Variants in UNC13C observed in about 807,000 individuals in gnomAD.
The protein encoded by UNC13C is protein unc-13 homolog C.
A neutral mutation model predicts 245.4 loss-of-function variants in UNC13C; 174 were observed. The observed-to-expected ratio is 0.71, with a 90% CI of 0.63 to 0.80. The LOEUF (loss-of-function observed/expected upper bound fraction) is 0.80, where lower values mean the gene tolerates loss of function less well. Ranked by LOEUF, UNC13C falls within the 30% of genes least tolerant of loss-of-function variation. The pLI is 0.00. For synonymous variants in UNC13C, 992 were observed against 895.1 expected (o/e 1.11, Z -1.93); for missense variants, 2,829 against 2,602.9 (o/e 1.09, Z -1.89).
intron 17 of UNC13C, among the ~76,000 whole-genome samples, chr15:54,365,807 C>T (rs2039351849): frequency 6.6e-6 from 1 of 151,086 alleles, no homozygotes; most frequent in African/African-American, 2.4e-5. Flanking sequence ...ACTTTGTGAA[C>T]ATCGTATATT....
At chr15:53,958,946 C>T in the UNC13C span, among the ~76,000 whole-genome samples, 1 of 152,114 alleles carries the variant, frequency 6.6e-6, no homozygotes, top group African/African-American at 2.4e-5. Flanking sequence ...CTTCCTACTT[C>T]CACCCTGCTT....
At chr15:54,029,531 A>T (rs12917513) in intron 2 of UNC13C, among the ~76,000 whole-genome samples, 21,980 of 152,270 alleles carry the variant, frequency 0.14, 1,781 homozygotes, top group Admixed American at 0.2. Context: ...GAATGTATAC[A>T]GTGAATGACA....
intron 19 of UNC13C, among the ~76,000 whole-genome samples, chr15:54,442,756 A>G (rs1258166554): frequency 1.3e-5 from 2 of 152,052 alleles, no homozygotes; most frequent in Non-Finnish European, 2.9e-5. Flanking sequence ...CTATCATGGC[A>G]TTCCTGGGAT....
intron 17 of UNC13C, among the ~76,000 whole-genome samples, chr15:54,377,402 G>A (rs1476901440): frequency 6.6e-6 from 1 of 152,194 alleles, no homozygotes; most frequent in Non-Finnish European, 1.5e-5. Context: ...CTTGTTAGGT[G>A]TGTACCCAAG....
chr15:53,972,588 T>A, the UNC13C span: 2 of 152,186 alleles, frequency 1.3e-5, no homozygotes, highest in Non-Finnish European at 2.9e-5. Context: ...GTACCAAATA[T>A]AGTTTCTAAA....
chr15:53,981,124 CT>C (rs1438248980), intron 1 of UNC13C, among the ~76,000 whole-genome samples: 1 of 152,162 alleles, frequency 6.6e-6, no homozygotes, highest in African/African-American at 2.4e-5. Flanking sequence ...ATGATAATAT[CT>C]TTTCCCCGAT....
the UNC13C span, among the ~76,000 whole-genome samples, chr15:53,858,514 G>A: frequency 1.5e-4 from 23 of 151,478 alleles, no homozygotes; most frequent in African/African-American, 4.4e-4. Context: ...TCCACCTACC[G>A]GGTTCAAGTT....
the UNC13C span, among the ~76,000 whole-genome samples, chr15:53,956,875 A>AGTGT: frequency 0.021 from 2,919 of 139,784 alleles, 111 homozygotes; most frequent in African/African-American, 0.064. Flanking sequence ...GTTAAGCTCA[A>AGTGT]GTGTGTGTGT....
chr15:53,878,797 A>C, the UNC13C span, among the ~76,000 whole-genome samples: 5 of 152,228 alleles, frequency 3.3e-5, no homozygotes, highest in African/African-American at 1.2e-4. Context: ...GTCTTATTGC[A>C]TTGATAGAGA....
intron 19 of UNC13C, among the ~76,000 whole-genome samples, chr15:54,463,528 C>G (rs867629660): frequency 3.3e-5 from 5 of 152,036 alleles, no homozygotes; most frequent in Middle Eastern, 3.4e-3. Context: ...AGGAGAGGAG[C>G]AAGCAATTCC....
rs769294603 is a variant in UNC13C, at chr15:54,386,800, G to A, written c.4714-6248G>A. On this transcript the variant is annotated intron_variant, in intron 17 of 32. Coordinates refer to ENST00000260323, the MANE Select transcript of UNC13C (RefSeq NM_001080534.3). ...TCTGTTGCTGCTTTTGGAAGTAGTG[G>A]AGGTAGCATTAGGTGGTAAGTTGAA... 1.8e-4 allele frequency among the ~76,000 whole-genome samples: 27 copies of A among 152,178 alleles called. 1 individual carries two copies. The highest frequency in any genetic ancestry group is 1.2e-3 in the Admixed American group (18 of 15,266).
intron 19 of UNC13C, among the ~76,000 whole-genome samples, chr15:54,431,490 G>A (rs2040872514): frequency 1.3e-5 from 2 of 151,492 alleles, no homozygotes; most frequent in South Asian, 2.1e-4. Flanking sequence ...CAACTATCTG[G>A]TTTTATCTTA....
the UNC13C span, among the ~76,000 whole-genome samples, chr15:53,872,348 A>AT: frequency 5.9e-5 from 9 of 151,370 alleles, no homozygotes; most frequent in Middle Eastern, 6.8e-3. Context: ...CCATTCATAG[A>AT]TTTTTTTTTT....
chr15:53,965,888 A>T, the UNC13C span, among the ~76,000 whole-genome samples: 3 of 152,158 alleles, frequency 2.0e-5, no homozygotes, highest in African/African-American at 7.2e-5. Context: ...CCTACAAAGG[A>T]CATGAACTCA....
At chr15:54,117,650 T>G (rs1032923021) in intron 2 of UNC13C, among the ~76,000 whole-genome samples, 3 of 151,262 alleles carry the variant, frequency 2.0e-5, no homozygotes, top group African/African-American at 7.3e-5. Context: ...GGGACAATCT[T>G]GACTCACTGC....
At chr15:54,628,769 C>CA (rs1336374340), downstream of UNC13C, 1 of 151,810 alleles carries the variant, frequency 6.6e-6, no homozygotes, top group Non-Finnish European at 1.5e-5. Flanking sequence ...ATTAAAAAGT[C>CA]AAAAAATAAC....
chr15:54,203,685 T>C (rs1023210844), intron 4 of UNC13C, among the ~76,000 whole-genome samples: 1 of 148,714 alleles, frequency 6.7e-6, no homozygotes, highest in African/African-American at 2.5e-5. Context: ...CCACTCGTGA[T>C]TGATTGGCAT....
chr15:54,259,493 T>C (rs2036367659), intron 8 of UNC13C, among the ~76,000 whole-genome samples: 2 of 152,088 alleles, frequency 1.3e-5, no homozygotes, highest in Admixed American at 6.6e-5. Context: ...TATAAAACCA[T>C]CAGATCTCAT....
chr15:54,537,970 T>A (rs1255683258), intron 26 of UNC13C, among the ~76,000 whole-genome samples: 2 of 149,342 alleles, frequency 1.3e-5, no homozygotes. Context: ...CAACAAAAAC[T>A]AAAAACAAAA....
Sources: gnomAD v4.1 joint callset for allele counts (sites outside exome capture counted in the v4.1 genomes callset) on GRCh38, gnomAD v4.1.1 for gene constraint, MANE v1.5 for transcripts, NCBI Gene and HGNC (gene_info 2026-07-23, HGNC 2026-07-21) for gene names.